The following CAMK4 variants were observed in gnomAD, a reference collection of about 807,000 sequenced individuals.
The protein encoded by CAMK4 is calcium/calmodulin dependent protein kinase IV.
In CAMK4, 22 loss-of-function variants were observed where a neutral mutation model predicts 44.9. The ratio of observed to expected loss-of-function variants is 0.49; its 90% CI spans 0.35 to 0.70. CAMK4 has a LOEUF of 0.70. Among genes scored for constraint, CAMK4 ranks in the 30% least tolerant of loss-of-function variants. The probability of loss-of-function intolerance (pLI) is 0.01; values close to 1 mark genes in which losing one functional copy is unlikely to be tolerated. For synonymous variants in CAMK4, 218 were observed against 215.4 expected (o/e 1.01, Z -0.11); for missense variants, 498 against 586.8 (o/e 0.85, Z 1.56).
intron 1 of CAMK4, among the ~76,000 whole-genome samples, chr5:111,238,453 A>G (rs1748833637): frequency 6.6e-6 from 1 of 152,142 alleles, no homozygotes; most frequent in African/African-American, 2.4e-5. Context: ...GGACACAGCA[A>G]GAAGTCTGCA....
At chr5:111,297,680 A>G (rs577298151) in intron 1 of CAMK4, among the ~76,000 whole-genome samples, 3 of 152,248 alleles carry the variant, frequency 2.0e-5, no homozygotes, top group African/African-American at 7.2e-5. Flanking sequence ...GGCCTTGTCT[A>G]TGGTGATTCT....
rs1460723296 is a variant in CAMK4, at chr5:111,493,772, A to G, written c.*9306A>G. The G allele has an allele frequency of 6.6e-6, 1 of 152,174 alleles. No individual in the cohort carries two copies. The highest frequency in any genetic ancestry group is 1.5e-5 in the Non-Finnish European group (1 of 68,028). The allele number at this position is 152,174 out of a possible 1,614,324, so 9.4% of individuals were successfully genotyped here. ...TCCATCTTCAAGAAACTTGGGAGAC[A>G]TTTAGACATTTAGTATGTGTACTTT... On this transcript the variant is annotated 3_prime_UTR_variant, in exon 11 of 11. Coordinates refer to ENST00000282356, the MANE Select transcript of CAMK4 (RefSeq NM_001744.6). This position sits in a 1 kb window ranked among gnomAD's most constrained non-coding sequence, Gnocchi z 4.1.
At chr5:111,442,848 G>A (rs1408056390) in intron 5 of CAMK4, among the ~76,000 whole-genome samples, 3 of 149,142 alleles carry the variant, frequency 2.0e-5, no homozygotes, top group Non-Finnish European at 4.5e-5. Flanking sequence ...AATAAGCAAT[G>A]TCATGAGCTT....
At chr5:111,334,991 A>T (rs1749337612) in intron 1 of CAMK4, among the ~76,000 whole-genome samples, 1 of 151,468 alleles carries the variant, frequency 6.6e-6, no homozygotes, top group Admixed American at 6.6e-5. Context: ...GTGACCTAAT[A>T]ACCTCAGCAA....
rs35548075 is a variant in CAMK4 at position 111,446,758 on chromosome 5, G to A, written c.532G>A (p.Asp178Asn). The A allele has an allele frequency of 2.1e-4, 339 of 1,605,628 alleles. No individual in the cohort carries two copies. In the East Asian group the frequency reaches 6.7e-3, roughly 32 times the overall value. The change falls in exon 6 of 11, where the codon GAT (aspartate) becomes AAT (asparagine). Residue 178 changes from aspartate (D) to asparagine (N), a missense_variant. Physicochemically the swap from Asp to Asn is conservative, Grantham distance 23 (BLOSUM62 1). This residue lies in a region of CAMK4 where 203 missense variants were observed against 298.2 expected (regional missense o/e 0.68). Coordinates refer to ENST00000282356, the MANE Select transcript of CAMK4 (RefSeq NM_001744.6). ...TCTTCTTTATGCAACTCCAGCCCCA[G>A]ATGCACCACTCAAAATCGGTGAGAA... is the stretch of plus-strand genomic sequence containing the variant. ...ENLLYATPAP[D>N]APLKIADFGL...
chr5:111,293,022 C>T (rs1031284372), intron 1 of CAMK4, among the ~76,000 whole-genome samples: 53 of 152,198 alleles, frequency 3.5e-4, no homozygotes, highest in African/African-American at 1.2e-3. Flanking sequence ...GGGCAGGCTT[C>T]CTGTATTTGA....
intron 1 of CAMK4, among the ~76,000 whole-genome samples, chr5:111,287,791 C>CT (rs34875289): frequency 6.6e-6 from 1 of 152,066 alleles, no homozygotes; most frequent in Non-Finnish European, 1.5e-5. Flanking sequence ...ACATCCTAAC[C>CT]TTTTTATTGC....
chr5:111,396,631 C>CTTTTTTTTTTTTTTTTT lies in CAMK4; in HGVS notation c.459+1860_459+1876dup, dbSNP rs540495109. The stretch of plus-strand genomic sequence containing the variant: ...ACTTTAATTGCCATTAACTCATATT[C>CTTTTTTTTTTTTTTTTT]TTTTTTTTTTTTTTTTTTTTTTTTT... On this transcript the variant is annotated intron_variant, in intron 5 of 10. Coordinates refer to ENST00000282356, the MANE Select transcript of CAMK4 (RefSeq NM_001744.6). Among the ~76,000 whole-genome samples the CTTTTTTTTTTTTTTTTT allele has an allele frequency of 2.8e-3, 131 of 47,014 alleles. 38 individuals are homozygous for CTTTTTTTTTTTTTTTTT. The highest frequency in any genetic ancestry group is 3.6e-3 in the Non-Finnish European group (99 of 27,862). 30.8% of individuals were successfully genotyped at this position (47,014 alleles called of 152,430 possible). A position where few individuals can be genotyped will look rare whatever the true frequency, so the allele number is the denominator to read the frequency against.
chr5:111,406,857 T>A (rs1166391527), intron 5 of CAMK4, among the ~76,000 whole-genome samples: 1 of 152,200 alleles, frequency 6.6e-6, no homozygotes, highest in Non-Finnish European at 1.5e-5. Context: ...TCAATTAAAG[T>A]GCCATGAATA....
intron 5 of CAMK4, among the ~76,000 whole-genome samples, chr5:111,434,310 A>G (rs1351182564): frequency 6.7e-6 from 1 of 148,722 alleles, no homozygotes; most frequent in Non-Finnish European, 1.5e-5. Context: ...AAAAAAAAAT[A>G]GAGCCACTAG....
At chr5:111,224,170 A>T, upstream of CAMK4, 1 of 238,640 alleles carries the variant, frequency 4.2e-6, no homozygotes. The surrounding 1 kb of genome is among the most constrained non-coding windows in gnomAD (Gnocchi z 5.7). Context: ...GGGCGGCGGG[A>T]AAGGCTCGGC....
At chr5:111,438,664 A>T (rs868240325) in intron 5 of CAMK4, among the ~76,000 whole-genome samples, 1 of 152,182 alleles carries the variant, frequency 6.6e-6, no homozygotes, top group Non-Finnish European at 1.5e-5. Flanking sequence ...TACAGCAAAA[A>T]AGAAGACTAG....
In CAMK4 at chr5:111,484,679, T is replaced by C. The variant is rs76517276; in HGVS notation, c.*213T>C. 6.2e-3 allele frequency: 2,381 copies of C among 381,370 alleles called. 57 individuals are homozygous for C. Among genetic ancestry groups the C allele is most frequent in the African/African-American group, 0.046 (2,242 of 48,394 alleles). 23.6% of individuals were successfully genotyped at this position (381,370 alleles called of 1,614,324 possible). ...TCTATGGCATGTAATGGATACCTAA[T>C]ACCGATGAGTTAAATCTTGCAAGTT... On this transcript the variant is annotated 3_prime_UTR_variant, in exon 11 of 11. Transcript: ENST00000282356. This position sits in a 1 kb window ranked among gnomAD's most constrained non-coding sequence, Gnocchi z 5.3.
At chr5:111,238,909 A>G (rs897500035) in intron 1 of CAMK4, among the ~76,000 whole-genome samples, 1 of 136,002 alleles carries the variant, frequency 7.4e-6, no homozygotes, top group Admixed American at 8.5e-5. Context: ...CTGTGGCTAC[A>G]TCCCCACTTC....
In CAMK4 at chr5:111,354,579, A is replaced by G. The variant is rs73214411; in HGVS notation, c.240+10477A>G. The stretch of plus-strand genomic sequence containing the variant: ...ATTTTTATTTCTCAGTTTTACCACT[A>G]TAAAGCTGAAAAATAGCTACTTGGG... On this transcript the variant is annotated intron_variant, in intron 2 of 10. Coordinates refer to ENST00000282356, the MANE Select transcript of CAMK4 (RefSeq NM_001744.6). Among the ~76,000 whole-genome samples the G allele has an allele frequency of 1.6e-3, 246 of 149,212 alleles. 2 individuals are homozygous for G. The highest frequency in any genetic ancestry group is 5.7e-3 in the African/African-American group (229 of 40,348).
chr5:111,410,412 C>T (rs1752590737), intron 5 of CAMK4, among the ~76,000 whole-genome samples: 2 of 152,102 alleles, frequency 1.3e-5, no homozygotes, highest in Admixed American at 6.5e-5. Context: ...TCCACCTAGT[C>T]CCACCCCTGA....
At chr5:111,414,408 G>GCAGCAACAACAC (rs1752740848) in intron 5 of CAMK4, among the ~76,000 whole-genome samples, 1 of 152,040 alleles carries the variant, frequency 6.6e-6, no homozygotes, top group Non-Finnish European at 1.5e-5. Flanking sequence ...AGCAGCAACA[G>GCAGCAACAACAC]CAGCAACAAC....
Position 111,346,490 on chromosome 5 carries a change from C to CTATCTATCTATA in CAMK4, c.240+2399_240+2400insATATCTATCTAT, listed in dbSNP as rs768248280. On this transcript the variant is annotated intron_variant, in intron 2 of 10. Transcript: ENST00000282356. The stretch of plus-strand genomic sequence containing the variant: ...CCAAGAGGCTTGAAACTTTATCTAT[C>CTATCTATCTATA]TATCTATCTATCTATCTATCTATCT... Among the ~76,000 whole-genome samples, 4 of 65,824 alleles carry CTATCTATCTATA rather than the reference C, an allele frequency of 6.1e-5. No homozygotes were observed. In the Admixed American group the frequency reaches 7.2e-4, roughly 12 times the overall value. The allele number at this position is 65,824 out of a possible 152,430, so 43.2% of individuals were successfully genotyped here.
At chr5:111,455,943 G>A (rs1384588968) in intron 7 of CAMK4, among the ~76,000 whole-genome samples, 1 of 152,166 alleles carries the variant, frequency 6.6e-6, no homozygotes, top group Non-Finnish European at 1.5e-5. Context: ...ATAAGATAAT[G>A]TATGTGAAGT....
Sources: allele counts gnomAD v4.1 joint callset (sites outside exome capture counted in the v4.1 genomes callset), GRCh38; gene constraint gnomAD v4.1.1; regional missense constraint gnomAD v4.1.1; non-coding constraint Gnocchi (gnomAD v3.1); transcripts MANE v1.5; gene names NCBI Gene and HGNC (gene_info 2026-07-23, HGNC 2026-07-21).